The following SGMS2 variants were observed in gnomAD, a reference collection of about 807,000 sequenced individuals.
The protein encoded by SGMS2 is sphingomyelin synthase 2, also known as phosphatidylcholine:ceramide cholinephosphotransferase 2.
In SGMS2, 21 loss-of-function variants were observed where a neutral mutation model predicts 43.8. The ratio of observed to expected loss-of-function variants is 0.48; its 90% CI spans 0.34 to 0.69. SGMS2 has a LOEUF of 0.69. Among genes scored for constraint, SGMS2 ranks in the 30% least tolerant of loss-of-function variants. The probability of loss-of-function intolerance (pLI) is 0.01; values close to 1 mark genes in which losing one functional copy is unlikely to be tolerated. For missense variants in SGMS2, 384 were observed against 443.2 expected (o/e 0.87, Z 1.20); for synonymous variants, 167 against 160.6 (o/e 1.04, Z -0.30).
At chr4:107,889,849 G>A (rs900533903) in intron 2 of SGMS2, among the ~76,000 whole-genome samples, 7 of 152,006 alleles carry the variant, frequency 4.6e-5, no homozygotes, top group African/African-American at 1.7e-4. Context: ...ATGCCAAATC[G>A]AACATAAAAT....
chr4:107,899,015 T>C (rs1425153540), intron 3 of SGMS2, among the ~76,000 whole-genome samples: 2 of 152,230 alleles, frequency 1.3e-5, no homozygotes, highest in Non-Finnish European at 2.9e-5. Flanking sequence ...AAATAGTTCA[T>C]GCCCGTATTG....
chr4:107,877,243 T>C (rs1728977322), intron 2 of SGMS2, among the ~76,000 whole-genome samples: 1 of 152,164 alleles, frequency 6.6e-6, no homozygotes, highest in Admixed American at 6.5e-5. Flanking sequence ...AGGAGTTTAC[T>C]GCAGCCTGGA....
rs147836600 is a variant in SGMS2, at chr4:107,835,916, A to T, written c.-327+10663A>T. On this transcript the variant is annotated intron_variant, in intron 1 of 6. Coordinates refer to ENST00000690982, the MANE Select transcript of SGMS2 (RefSeq NM_001375905.1). ...GTTAACCATCTCCCAAGAACCCAGT[A>T]CTGTCAATGGAAATATAACATGAGC... Among the ~76,000 whole-genome samples the T allele has an allele frequency of 5.7e-3, 863 of 152,344 alleles. 8 individuals carry two copies. The highest frequency in any genetic ancestry group is 0.02 in the African/African-American group (827 of 41,582).
chr4:107,898,882 CT>C (rs1297083301), intron 3 of SGMS2, among the ~76,000 whole-genome samples: 1 of 152,046 alleles, frequency 6.6e-6, no homozygotes, highest in East Asian at 1.9e-4. Context: ...TTTTTTTATC[CT>C]TTTTTTGATC....
At chr4:107,864,981 T>G (rs1290033084) in intron 2 of SGMS2, among the ~76,000 whole-genome samples, 1 of 152,218 alleles carries the variant, frequency 6.6e-6, no homozygotes, top group Non-Finnish European at 1.5e-5. Flanking sequence ...CTATCTTTCA[T>G]CAGGTATCTT....
At chr4:107,875,783 TAA>T (rs1728871851) in intron 2 of SGMS2, among the ~76,000 whole-genome samples, 1 of 152,230 alleles carries the variant, frequency 6.6e-6, no homozygotes, top group Non-Finnish European at 1.5e-5. Context: ...GTGGTTGGCA[TAA>T]GAGAATGAAA....
chr4:107,910,839 TTTC>T lies in SGMS2; in HGVS notation c.*289_*291del, dbSNP rs773276666. On this transcript the variant is annotated 3_prime_UTR_variant, in exon 7 of 7. Transcript: ENST00000690982. ...GAGGTGCCAAAGAACATATTCCTCC[TTTC>T]TTTATTCTTTCTCCACCAAAACCCT... 8.1e-4 allele frequency: 239 copies of T among 294,380 alleles called. No homozygotes were observed. Among genetic ancestry groups the T allele is most frequent in the Non-Finnish European group, 1.4e-3 (225 of 158,552 alleles). The allele number at this position is 294,380 out of a possible 1,614,324, so 18.2% of individuals were successfully genotyped here.
intron 2 of SGMS2, among the ~76,000 whole-genome samples, chr4:107,860,003 T>C (rs571783429): frequency 1.3e-5 from 2 of 152,246 alleles, no homozygotes; most frequent in South Asian, 2.1e-4. Flanking sequence ...GATGTAAGGA[T>C]TACTTTTTAA....
At chr4:107,825,522 G>A (rs1441142369) in intron 1 of SGMS2, among the ~76,000 whole-genome samples, 1 of 152,066 alleles carries the variant, frequency 6.6e-6, no homozygotes, top group Non-Finnish European at 1.5e-5. Context: ...TTAAACCCCA[G>A]ATTGTCCAGA....
chr4:107,828,284 T>C (rs146394419), intron 1 of SGMS2, among the ~76,000 whole-genome samples: 161 of 152,300 alleles, frequency 1.1e-3, no homozygotes, highest in African/African-American at 3.7e-3. Flanking sequence ...AACGTGACAG[T>C]TGCTTTATAC....
At chr4:107,890,129 A>C (rs1730081103) in intron 2 of SGMS2, among the ~76,000 whole-genome samples, 2 of 152,330 alleles carry the variant, frequency 1.3e-5, no homozygotes, top group African/African-American at 4.8e-5. Flanking sequence ...TTTAGTCAAT[A>C]AATCAGGTAA....
intron 1 of SGMS2, among the ~76,000 whole-genome samples, chr4:107,845,882 C>T (rs77988131): frequency 0.035 from 5,310 of 152,206 alleles, 308 homozygotes; most frequent in African/African-American, 0.12. Context: ...AATAGGAAAG[C>T]TATAGGAGGC....
chr4:107,888,654 T>C (rs1488914476), intron 2 of SGMS2, among the ~76,000 whole-genome samples: 1 of 152,168 alleles, frequency 6.6e-6, no homozygotes, highest in Non-Finnish European at 1.5e-5. Context: ...TATTTCCTGG[T>C]TCATTTTACC....
chr4:107,874,563 C>G (rs187925003), intron 2 of SGMS2, among the ~76,000 whole-genome samples: 8 of 152,210 alleles, frequency 5.3e-5, no homozygotes, highest in African/African-American at 1.9e-4. Context: ...TAAAACAGTA[C>G]TTAAGTACTA....
intron 2 of SGMS2, among the ~76,000 whole-genome samples, chr4:107,859,570 C>T (rs1047320158): frequency 2.6e-5 from 4 of 152,130 alleles, no homozygotes; most frequent in Non-Finnish European, 4.4e-5. Flanking sequence ...CTCATTGAAG[C>T]TGAGTGAAGA....
intron 1 of SGMS2, among the ~76,000 whole-genome samples, chr4:107,856,711 A>G (rs1461282580): frequency 9.2e-5 from 14 of 152,222 alleles, no homozygotes; most frequent in Admixed American, 9.2e-4. Context: ...TGTAGTGTAC[A>G]GTATCTGAAG....
intron 2 of SGMS2, among the ~76,000 whole-genome samples, chr4:107,882,993 G>T (rs1729479309): frequency 6.6e-6 from 1 of 152,022 alleles, no homozygotes; most frequent in African/African-American, 2.4e-5. Context: ...ACTATAATCT[G>T]TAGATAAAAA....
chr4:107,844,713 ATG>A (rs1221653048), intron 1 of SGMS2, among the ~76,000 whole-genome samples: 1 of 152,178 alleles, frequency 6.6e-6, no homozygotes, highest in African/African-American at 2.4e-5. Flanking sequence ...CTCCAAAAAA[ATG>A]TGTCTATTCT....
intron 2 of SGMS2, among the ~76,000 whole-genome samples, chr4:107,861,831 T>G (rs1189834571): frequency 6.6e-6 from 1 of 152,186 alleles, no homozygotes; most frequent in East Asian, 1.9e-4. Flanking sequence ...ATCAGGATAC[T>G]GAAACCCCAA....
Sources: gnomAD v4.1 joint callset for allele counts (sites outside exome capture counted in the v4.1 genomes callset) on GRCh38, gnomAD v4.1.1 for gene constraint, MANE v1.5 for transcripts, NCBI Gene and HGNC (gene_info 2026-07-23, HGNC 2026-07-21) for gene names.